Variants in THAP3 observed in about 807,000 individuals in gnomAD.
THAP3 encodes the protein THAP domain-containing protein 3.
THAP3 carries 12 observed loss-of-function variants against 17.7 expected under a neutral mutation model. The observed-to-expected ratio is 0.68, with a 90% CI of 0.43 to 1.10. The LOEUF (loss-of-function observed/expected upper bound fraction) is 1.10. Ranked by LOEUF, THAP3 falls within the 50% of genes least tolerant of loss-of-function variation. THAP3 has a pLI of 0.00. For missense variants in THAP3, 289 were observed against 318.0 expected, an observed-to-expected ratio of 0.91 and a Z score of 0.69; for synonymous variants, 133 against 126.9, an observed-to-expected ratio of 1.05 and a Z score of -0.32.
In THAP3 at chr1:6,628,481, C is replaced by A; in HGVS notation, c.75-18C>A. On this transcript the variant is annotated intron_variant, in intron 2 of 5. Coordinates refer to ENST00000054650, the MANE Select transcript of THAP3 (RefSeq NM_001195753.2). Reference sequence around the variant, plus strand: ...GTCCAGCCTTGCTGGGCCTCACACCCCGTGCCTCTGCCCTTAGGTTTCCGT... The same window carrying A: ...GTCCAGCCTTGCTGGGCCTCACACCACGTGCCTCTGCCCTTAGGTTTCCGT... 6.3e-7 allele frequency: 1 copy of A among 1,596,562 alleles called. No individual in the cohort carries two copies. Among genetic ancestry groups the A allele is most frequent in the East Asian group, 2.2e-5 (1 of 44,718 alleles).
chr1:6,630,250 C>T (rs887143497), intron 3 of THAP3, 38 bp from the exon 4 acceptor site: 6 of 1,602,848 alleles, frequency 3.7e-6, no homozygotes, highest in Non-Finnish European at 5.1e-6. Context: ...TCTGAGGGTT[C>T]TTGGGGTCTG....
At chr1:6,633,970 GAA>G (rs1557460178), downstream of THAP3, 1 of 1,548,786 alleles carries the variant, frequency 6.5e-7, no homozygotes, top group African/African-American at 1.4e-5. Flanking sequence ...GTGAATTAAA[GAA>G]AAAAGTTCTA....
At position 6,624,937 on chromosome 1, in the gene THAP3, C is replaced by A; in HGVS notation, c.-87C>A. The A allele has an allele frequency of 2.1e-6, 1 of 477,962 alleles. No individual in the cohort carries two copies. Among genetic ancestry groups the A allele is most frequent in the Non-Finnish European group, 3.7e-6 (1 of 268,202 alleles). 29.6% of individuals were successfully genotyped at this position (477,962 alleles called of 1,614,324 possible). A position where few individuals can be genotyped will look rare whatever the true frequency, so the allele number is the denominator to read the frequency against. On this transcript the variant is annotated 5_prime_UTR_variant, in exon 1 of 6. Coordinates refer to ENST00000054650, the MANE Select transcript of THAP3 (RefSeq NM_001195753.2). ...CTCAAAGCAAGGAGGTGAAAGGCGA[C>A]CAGCATTGGCGAATGGGGTAAGACT...
At chr1:6,626,775 G>A (rs549294019) in intron 2 of THAP3, among the ~76,000 whole-genome samples, 2 of 152,348 alleles carry the variant, frequency 1.3e-5, no homozygotes, top group East Asian at 3.9e-4. Flanking sequence ...GACCCTGGGA[G>A]GCAGAGCTTG....
At chr1:6,631,243 T>A (rs1489760444) in intron 4 of THAP3, among the ~76,000 whole-genome samples, 2 of 150,704 alleles carry the variant, frequency 1.3e-5, no homozygotes, top group East Asian at 4.0e-4. Flanking sequence ...TCTCAAACTC[T>A]TGGATTCAGG....
rs1264643308 is a variant in THAP3 at position 6,633,187 on chromosome 1, T to C, written c.*110T>C. ...CTGTGGACACTGAGAAAGTTGGCCA[T>C]GAGGCCTGCTTGGCCGGGGATCGAG... On this transcript the variant is annotated 3_prime_UTR_variant, in exon 6 of 6. Coordinates refer to ENST00000054650, the MANE Select transcript of THAP3 (RefSeq NM_001195753.2). 7 of 1,470,526 alleles carry C rather than the reference T, an allele frequency of 4.8e-6. No individual in the cohort carries two copies. The highest frequency in any genetic ancestry group is 2.8e-5 in the African/African-American group (2 of 70,238). 91.1% of individuals were successfully genotyped at this position (1,470,526 alleles called of 1,614,324 possible).
rs1035505512 is a variant in THAP3, at chr1:6,633,154, T to A, written c.*77T>A. 15 of 1,515,272 alleles carry A rather than the reference T, an allele frequency of 9.9e-6. No homozygotes were observed. In the African/African-American group the frequency reaches 1.3e-4, roughly 13 times the overall value. The allele number at this position is 1,515,272 out of a possible 1,614,324, so 93.9% of individuals were successfully genotyped here. A position where few individuals can be genotyped will look rare whatever the true frequency, so the allele number is the denominator to read the frequency against. On this transcript the variant is annotated 3_prime_UTR_variant, in exon 6 of 6. Transcript: ENST00000054650. ...CTTTGGAGCTCTGGCTGTGGACATT[T>A]TTGTCTGCTGTGGACACTGAGAAAG...
At chr1:6,631,736 A>G (rs1400344179) in intron 4 of THAP3, among the ~76,000 whole-genome samples, 1 of 152,128 alleles carries the variant, frequency 6.6e-6, no homozygotes, top group African/African-American at 2.4e-5. Context: ...TCTCTACTAA[A>G]AATACAAAAA....
Position 6,624,937 on chromosome 1 carries a change from C to T in THAP3, c.-87C>T. 2.1e-6 allele frequency: 1 copy of T among 477,960 alleles called. No individual in the cohort carries two copies. Among genetic ancestry groups the T allele is most frequent in the East Asian group, 4.1e-5 (1 of 24,146 alleles). The allele number at this position is 477,960 out of a possible 1,614,324, so 29.6% of individuals were successfully genotyped here. A position where few individuals can be genotyped will look rare whatever the true frequency, so the allele number is the denominator to read the frequency against. On this transcript the variant is annotated 5_prime_UTR_variant, in exon 1 of 6. Transcript: ENST00000054650. ...CTCAAAGCAAGGAGGTGAAAGGCGA[C>T]CAGCATTGGCGAATGGGGTAAGACT... is the stretch of plus-strand genomic sequence containing the variant.
At chr1:6,634,299 A>G (rs949927083), downstream of THAP3, 2 of 923,810 alleles carry the variant, frequency 2.2e-6, no homozygotes, top group South Asian at 1.8e-5. Flanking sequence ...GGCTCATGCA[A>G]CACGACGCTC....
chr1:6,625,766 G>A (rs1641453408), intron 2 of THAP3, among the ~76,000 whole-genome samples: 1 of 151,942 alleles, frequency 6.6e-6, no homozygotes, highest in Middle Eastern at 3.4e-3. Flanking sequence ...GCCCGGCCCG[G>A]CCCAGGAGCA....
chr1:6,632,315 A>T, intron 4 of THAP3, 76 bp from the exon 5 acceptor site: 1 of 1,588,198 alleles, frequency 6.3e-7, no homozygotes, highest in Non-Finnish European at 8.6e-7. Context: ...CCACTCCCCT[A>T]GAGGGACAAG....
chr1:6,635,525 A>G (rs1041428605), downstream of THAP3: 10 of 852,826 alleles, frequency 1.2e-5, no homozygotes, highest in Non-Finnish European at 3.6e-6. Flanking sequence ...GGGTGTCTGC[A>G]TGTCCCTTCA....
At position 6,628,451 on chromosome 1, in the gene THAP3, G is replaced by C. The variant is rs370886179; in HGVS notation, c.75-48G>C. On this transcript the variant is annotated intron_variant, in intron 2 of 5. Transcript: ENST00000054650. ...TGAAAATTCCGAATGACTCTGAGGC[G>C]CTGGGTCCAGCCTTGCTGGGCCTCA... 5 of 1,520,350 alleles carry C rather than the reference G, an allele frequency of 3.3e-6. 1 individual carries two copies. In the South Asian group the frequency reaches 6.3e-5, roughly 19 times the overall value. The allele number at this position is 1,520,350 out of a possible 1,614,324, so 94.2% of individuals were successfully genotyped here. A position where few individuals can be genotyped will look rare whatever the true frequency, so the allele number is the denominator to read the frequency against.
downstream of THAP3, chr1:6,633,992 C>CCTAA (rs746380346): frequency 1.2e-6 from 2 of 1,604,726 alleles, no homozygotes; most frequent in Non-Finnish European, 1.7e-6. Context: ...AGCCTGATTT[C>CCTAA]CTAACTTGGG....
At chr1:6,635,585 C>T, downstream of THAP3, 3 of 1,339,968 alleles carry the variant, frequency 2.2e-6, no homozygotes, top group South Asian at 1.2e-5. Context: ...AAAATAAAAA[C>T]ATCTGATGTC....
chr1:6,628,611 T>G lies in THAP3; in HGVS notation c.187T>G (p.Cys63Gly), dbSNP rs1158252465. 1 of 1,613,768 alleles carries G rather than the reference T, an allele frequency of 6.2e-7. No individual in the cohort carries two copies. Among genetic ancestry groups the G allele is most frequent in the Non-Finnish European group, 8.5e-7 (1 of 1,179,982 alleles). Residue 63 changes from cysteine to glycine, a missense_variant, in exon 3 of 6, where the codon TGC (cysteine) becomes GGC (glycine). Transcript: ENST00000054650. ...VICSEHFRPECFSAFGNRKNL... is the reference protein window; with the variant it reads ...VICSEHFRPEGFSAFGNRKNL... ...CTGCTCCGAGCACTTCCGGCCAGAG[T>G]GCTTCAGCGCCTTTGGAAACCGCAA... is the stretch of plus-strand genomic sequence containing the variant.
rs1382121702 is a variant in THAP3 at position 6,624,955 on chromosome 1, G to T, written c.-70+1G>T. On this transcript the variant is annotated splice_donor_variant, in intron 1 of 5. Coordinates refer to ENST00000054650, the MANE Select transcript of THAP3 (RefSeq NM_001195753.2). LOFTEE classifies it low-confidence loss of function (5UTR_SPLICE). ...AAGGCGACCAGCATTGGCGAATGGG[G>T]TAAGACTTGCACAGGCCCAAGGCTA... 3.1e-5 allele frequency: 16 copies of T among 511,744 alleles called. No individual in the cohort carries two copies. Among genetic ancestry groups the T allele is most frequent in the Non-Finnish European group, 5.5e-5 (16 of 288,884 alleles). 31.7% of individuals were successfully genotyped at this position (511,744 alleles called of 1,614,324 possible). A position where few individuals can be genotyped will look rare whatever the true frequency, so the allele number is the denominator to read the frequency against.
At chr1:6,629,007 G>A (rs1280955271) in intron 3 of THAP3, among the ~76,000 whole-genome samples, 1 of 152,236 alleles carries the variant, frequency 6.6e-6, no homozygotes, top group Non-Finnish European at 1.5e-5. Flanking sequence ...TTCGATACCA[G>A]CCCAGCCAAC....
Sources: allele counts gnomAD v4.1 joint callset (sites outside exome capture counted in the v4.1 genomes callset), GRCh38; gene constraint gnomAD v4.1.1; transcripts MANE v1.5; gene names NCBI Gene and HGNC (gene_info 2026-07-23, HGNC 2026-07-21).